Variants in CACHD1 observed in about 807,000 individuals in gnomAD.
The protein encoded by CACHD1 is cache domain containing 1, also known as VWFA and cache domain-containing protein 1.
CACHD1 carries 71 observed loss-of-function variants against 138.7 expected under a neutral mutation model. That is an observed-to-expected ratio of 0.51 (90% confidence interval 0.42 to 0.62). The LOEUF (loss-of-function observed/expected upper bound fraction) is 0.62, where lower values mean the gene tolerates loss of function less well. CACHD1 is among the 20% of genes least tolerant of loss of function. The pLI is 0.00. For missense variants in CACHD1, 1,389 were observed against 1,625.3 expected, an observed-to-expected ratio of 0.85 and a Z score of 2.50; for synonymous variants, 578 against 591.5, an observed-to-expected ratio of 0.98 and a Z score of 0.33.
rs368390434 is a variant in CACHD1 at position 64,567,942 on chromosome 1, C to T, written c.262-14214C>T. ...TGCTGTTAGCGACGAGCTTTTAGCT[C>T]TCATAAATCACAAGGATATAACTGG... On this transcript the variant is annotated intron_variant, in intron 2 of 26. Transcript: ENST00000651257. 2.6e-5 allele frequency among the ~76,000 whole-genome samples: 4 copies of T among 151,684 alleles called. No homozygotes were observed. The East Asian group carries it at 7.7e-4, about 29-fold the overall frequency.
chr1:64,679,827 C>T, intron 24 of CACHD1, 71 bp downstream of exon 24: 5 of 1,526,784 alleles, frequency 3.3e-6, no homozygotes, highest in Non-Finnish European at 4.4e-6. Flanking sequence ...TTGTGTAAGC[C>T]TCTAAGGAAC....
intron 9 of CACHD1, among the ~76,000 whole-genome samples, chr1:64,649,023 A>G (rs1342451456): frequency 6.6e-6 from 1 of 152,176 alleles, no homozygotes; most frequent in African/African-American, 2.4e-5. Flanking sequence ...AGCCAGACAG[A>G]CACCATTGCC....
intron 9 of CACHD1, among the ~76,000 whole-genome samples, chr1:64,651,801 A>G (rs564915217): frequency 1.3e-5 from 2 of 152,376 alleles, no homozygotes; most frequent in African/African-American, 4.8e-5. Flanking sequence ...TTTCAAGTTC[A>G]GCTGAATCTA....
Position 64,510,207 on chromosome 1 carries a change from T to C in CACHD1, c.198+39265T>C, listed in dbSNP as rs184355687. Reference sequence around the variant, plus strand: ...TTGTCACAAAAAAGGGATGCGGAGGTAAAGTAGAGTTGCTCCAACAGCATT... The same window carrying C: ...TTGTCACAAAAAAGGGATGCGGAGGCAAAGTAGAGTTGCTCCAACAGCATT... On this transcript the variant is annotated intron_variant, in intron 1 of 26. Transcript: ENST00000651257. 1.0e-3 allele frequency among the ~76,000 whole-genome samples: 159 copies of C among 152,140 alleles called. 1 individual carries two copies. Among genetic ancestry groups the C allele is most frequent in the African/African-American group, 3.7e-3 (155 of 41,488 alleles).
chr1:64,673,592 A>C, intron 19 of CACHD1, 128 bp downstream of exon 19: 1 of 779,928 alleles, frequency 1.3e-6, no homozygotes, highest in South Asian at 1.7e-5. Context: ...GAATGATAGG[A>C]GGAGACAGGA....
At chr1:64,550,455 C>G (rs1304587170) in intron 1 of CACHD1, 139 bp from the exon 2 acceptor site, 1 of 601,156 alleles carries the variant, frequency 1.7e-6, no homozygotes, top group Non-Finnish European at 2.9e-6. Context: ...ACTTGGGTTT[C>G]TCTCTGTAAA....
At chr1:64,602,711 G>A in intron 3 of CACHD1, 95 bp from the exon 4 acceptor site, 1 of 788,116 alleles carries the variant, frequency 1.3e-6, no homozygotes, top group Non-Finnish European at 2.2e-6. Flanking sequence ...ACTGTTTACG[G>A]GCTGACCTAT....
chr1:64,637,454 T>TA (rs1648564607), intron 7 of CACHD1, among the ~76,000 whole-genome samples: 1 of 152,218 alleles, frequency 6.6e-6, no homozygotes, highest in Non-Finnish European at 1.5e-5. Flanking sequence ...TGAAATCCCT[T>TA]GATTTTCAAA....
intron 4 of CACHD1, among the ~76,000 whole-genome samples, chr1:64,628,921 G>A (rs1162833624): frequency 6.6e-6 from 1 of 152,082 alleles, no homozygotes; most frequent in African/African-American, 2.4e-5. Flanking sequence ...CAAAGTAAAG[G>A]CAAGGTTAAG....
chr1:64,616,637 G>A (rs1225717927), intron 4 of CACHD1, among the ~76,000 whole-genome samples: 1 of 152,176 alleles, frequency 6.6e-6, no homozygotes, highest in African/African-American at 2.4e-5. Flanking sequence ...ATATCAGTCT[G>A]AGGTGTTTTG....
intron 2 of CACHD1, among the ~76,000 whole-genome samples, chr1:64,561,147 T>G (rs961184778): frequency 6.6e-6 from 1 of 151,890 alleles, no homozygotes; most frequent in African/African-American, 2.4e-5. Context: ...TTTAATAAAT[T>G]AATATTTTGG....
chr1:64,681,454 G>T, intron 25 of CACHD1, 119 bp downstream of exon 25: 1 of 688,848 alleles, frequency 1.5e-6, no homozygotes, highest in South Asian at 2.5e-5. Flanking sequence ...CACGGTGGCT[G>T]GGTTTTTTTA....
chr1:64,681,811 A>G (rs945256901), intron 25 of CACHD1, among the ~76,000 whole-genome samples, 194 bp from the exon 26 acceptor site: 1 of 152,102 alleles, frequency 6.6e-6, no homozygotes, highest in African/African-American at 2.4e-5. Context: ...TTGGAGATAT[A>G]TAATTAAATA....
chr1:64,475,514 G>A (rs1018326807), intron 1 of CACHD1, among the ~76,000 whole-genome samples: 1 of 151,818 alleles, frequency 6.6e-6, no homozygotes, highest in African/African-American at 2.4e-5. Flanking sequence ...GGGAGCTTCT[G>A]CTCTATGAAG....
At chr1:64,606,137 A>ACACG (rs1344869089) in intron 4 of CACHD1, among the ~76,000 whole-genome samples, 3 of 152,156 alleles carry the variant, frequency 2.0e-5, no homozygotes, top group African/African-American at 7.2e-5. Context: ...ACACGCACAC[A>ACACG]CACGCACACA....
chr1:64,508,247 G>A (rs888321091), intron 1 of CACHD1, among the ~76,000 whole-genome samples: 2 of 152,148 alleles, frequency 1.3e-5, no homozygotes, highest in Admixed American at 1.3e-4. Context: ...TTCCAACATT[G>A]GGGTTTACAG....
chr1:64,659,749 C>G (rs1459333556), intron 13 of CACHD1, among the ~76,000 whole-genome samples: 1 of 152,206 alleles, frequency 6.6e-6, no homozygotes, highest in Admixed American at 6.5e-5. Flanking sequence ...CAGGTATTCT[C>G]TTTTTCACTG....
chr1:64,536,987 T>C (rs1269362816), intron 1 of CACHD1, among the ~76,000 whole-genome samples: 1 of 152,156 alleles, frequency 6.6e-6, no homozygotes, highest in Non-Finnish European at 1.5e-5. Flanking sequence ...ACATCTGACA[T>C]ACCTGAAGTC....
At chr1:64,562,244 TTC>T (rs1254276611) in intron 2 of CACHD1, among the ~76,000 whole-genome samples, 1 of 152,106 alleles carries the variant, frequency 6.6e-6, no homozygotes, top group East Asian at 1.9e-4. Context: ...CAAATATATT[TTC>T]TGTCTCATTA....
Sources: allele counts gnomAD v4.1 joint callset (sites outside exome capture counted in the v4.1 genomes callset), GRCh38; gene constraint gnomAD v4.1.1; transcripts MANE v1.5; gene names NCBI Gene and HGNC (gene_info 2026-07-23, HGNC 2026-07-21).